PSD3: variants seen among roughly 807,000 people sequenced by gnomAD.
PSD3 encodes pleckstrin and Sec7 domain containing 3.
A neutral mutation model predicts 105.5 loss-of-function variants in PSD3; 49 were observed. That is an observed-to-expected ratio of 0.46 (90% CI 0.37 to 0.59). The LOEUF (loss-of-function observed/expected upper bound fraction) is 0.59, where lower values mean the gene tolerates loss of function less well. Ranked by LOEUF, PSD3 falls within the 20% of genes least tolerant of loss-of-function variation. PSD3 has a pLI of 0.00. For synonymous variants in PSD3, 557 were observed against 457.8 expected (o/e 1.22, Z -2.77); for missense variants, 1,561 against 1,263.8 (o/e 1.24, Z -3.57).
chr8:18,942,483 G>A (rs778545187), intron 1 of PSD3, among the ~76,000 whole-genome samples: 6 of 152,180 alleles, frequency 3.9e-5, no homozygotes, highest in Non-Finnish European at 7.3e-5. Context: ...GCTGAATTGT[G>A]TCCCCCCAAG....
At chr8:18,653,482 A>G (rs932311050) in intron 10 of PSD3, among the ~76,000 whole-genome samples, 1 of 152,174 alleles carries the variant, frequency 6.6e-6, no homozygotes, top group Non-Finnish European at 1.5e-5. Context: ...TGAAGGTTAC[A>G]TGAGACTCAA....
At chr8:19,073,973 G>A (rs1829360623) in intron 1 of PSD3, among the ~76,000 whole-genome samples, 1 of 151,872 alleles carries the variant, frequency 6.6e-6, no homozygotes. Flanking sequence ...TGTATTTTTA[G>A]TAGAGACGAG....
At chr8:18,951,430 C>T (rs1045629261) in intron 1 of PSD3, among the ~76,000 whole-genome samples, 1 of 152,006 alleles carries the variant, frequency 6.6e-6, no homozygotes. Context: ...CCAAAAAGGA[C>T]CACGGAACAG....
At chr8:18,642,406 C>T (rs979606401) in intron 10 of PSD3, among the ~76,000 whole-genome samples, 1 of 152,080 alleles carries the variant, frequency 6.6e-6, no homozygotes, top group African/African-American at 2.4e-5. Context: ...GTCTAAAATG[C>T]TCCTCATATA....
upstream of PSD3, among the ~76,000 whole-genome samples, chr8:19,016,492 T>C (rs1827183432): frequency 6.6e-6 from 1 of 152,244 alleles, no homozygotes; most frequent in African/African-American, 2.4e-5. Context: ...ACATGAACGT[T>C]TATTTAGAAT....
chr8:18,828,067 A>ATATTTTT (rs371473289), intron 4 of PSD3, among the ~76,000 whole-genome samples: 7 of 118,896 alleles, frequency 5.9e-5, no homozygotes, highest in African/African-American at 2.5e-4. Flanking sequence ...ATATATATAT[A>ATATTTTT]TTTTTTTTTT....
intron 1 of PSD3, among the ~76,000 whole-genome samples, chr8:18,996,704 C>T (rs1022130747): frequency 1.3e-5 from 2 of 151,932 alleles, no homozygotes; most frequent in Non-Finnish European, 2.9e-5. Flanking sequence ...TTTCTCCCTG[C>T]AGCTACATTT....
In PSD3 at chr8:18,867,968, G is replaced by T. The variant is rs1023573287; in HGVS notation, c.1340C>A (p.Thr447Asn). The T allele has an allele frequency of 2.2e-5, 36 of 1,614,062 alleles. No individual in the cohort carries two copies. Among genetic ancestry groups the T allele is most frequent in the Non-Finnish European group, 3.1e-5 (36 of 1,180,038 alleles). Residue 447 changes from threonine (T) to asparagine (N), a missense_variant, in exon 4 of 16, where the codon ACC (threonine) becomes AAC (asparagine). Transcript: ENST00000327040. ...STDVYSSQFE[T>N]ILDNTSLYYS... ...GTATAAAGAAGTGTTGTCCAAAATG[G>T]TTTCAAACTGGGAGCTGTACACGTC...
At chr8:18,591,905 G>A (rs1190711618) in intron 12 of PSD3, among the ~76,000 whole-genome samples, 1 of 152,108 alleles carries the variant, frequency 6.6e-6, no homozygotes, top group Non-Finnish European at 1.5e-5. Context: ...AGGATTCAGA[G>A]TTCCCTAAAA....
intron 1 of PSD3, among the ~76,000 whole-genome samples, chr8:18,985,378 TGGGGCC>T (rs1825451135): frequency 6.6e-6 from 1 of 152,190 alleles, no homozygotes; most frequent in Admixed American, 6.5e-5. Flanking sequence ...ATAGAATATC[TGGGGCC>T]CTAAATTCCC....
Position 18,621,894 on chromosome 8 carries a change from A to G in PSD3, c.2410+10719T>C, listed in dbSNP as rs551040095. Reference sequence around the variant, plus strand: ...GTGTCGCTGTTCCCAATGTTACACGATAGCAAAGAATTCTGCCTGCATTAC... The same window carrying G: ...GTGTCGCTGTTCCCAATGTTACACGGTAGCAAAGAATTCTGCCTGCATTAC... On this transcript the variant is annotated intron_variant, in intron 11 of 15. Transcript: ENST00000327040. 4.6e-5 allele frequency among the ~76,000 whole-genome samples: 7 copies of G among 152,358 alleles called. No individual in the cohort carries two copies. The South Asian group carries it at 1.2e-3, about 27-fold the overall frequency.
At chr8:18,761,202 A>C (rs907143853) in intron 9 of PSD3, among the ~76,000 whole-genome samples, 1 of 152,198 alleles carries the variant, frequency 6.6e-6, no homozygotes, top group Non-Finnish European at 1.5e-5. Context: ...GGGTTAAGCA[A>C]GATTCATTTT....
At chr8:18,950,484 A>G (rs1258561916) in intron 1 of PSD3, among the ~76,000 whole-genome samples, 4 of 152,140 alleles carry the variant, frequency 2.6e-5, no homozygotes, top group Admixed American at 6.6e-5. Flanking sequence ...GAAACAACGT[A>G]TTCCTCTTGT....
At chr8:18,928,631 G>A (rs1821528331) in intron 2 of PSD3, among the ~76,000 whole-genome samples, 1 of 152,094 alleles carries the variant, frequency 6.6e-6, no homozygotes, top group Non-Finnish European at 1.5e-5. Flanking sequence ...CAAATTAGTG[G>A]TTGCCTAGAA....
At chr8:18,655,066 G>C (rs969780259) in intron 10 of PSD3, among the ~76,000 whole-genome samples, 3 of 152,066 alleles carry the variant, frequency 2.0e-5, no homozygotes. Context: ...GCTCACTCCT[G>C]TAATCCCAGA....
At chr8:18,943,272 C>A (rs536582624) in intron 1 of PSD3, among the ~76,000 whole-genome samples, 15 of 152,162 alleles carry the variant, frequency 9.9e-5, no homozygotes, top group Admixed American at 9.8e-4. Flanking sequence ...GGAAGGGAGA[C>A]GTCCAGTGTA....
At chr8:18,906,494 T>C (rs956388992) in intron 2 of PSD3, among the ~76,000 whole-genome samples, 7 of 152,172 alleles carry the variant, frequency 4.6e-5, no homozygotes, top group African/African-American at 1.7e-4. Flanking sequence ...GACTTAAAGA[T>C]TTCAATTTCA....
intron 9 of PSD3, among the ~76,000 whole-genome samples, chr8:18,735,980 C>T (rs925805455): frequency 1.3e-5 from 2 of 152,108 alleles, no homozygotes; most frequent in African/African-American, 4.8e-5. Context: ...ATAAATCTAA[C>T]TAGATATATC....
intron 1 of PSD3, among the ~76,000 whole-genome samples, chr8:18,950,391 T>C (rs1050468435): frequency 6.6e-6 from 1 of 152,212 alleles, no homozygotes; most frequent in Non-Finnish European, 1.5e-5. Context: ...CTCAGTGATT[T>C]TGAAATGTAT....
Sources: allele counts gnomAD v4.1 joint callset (sites outside exome capture counted in the v4.1 genomes callset), GRCh38; gene constraint gnomAD v4.1.1; transcripts MANE v1.5; gene names NCBI Gene and HGNC (gene_info 2026-07-23, HGNC 2026-07-21).